P2RY6: variants seen among roughly 807,000 people sequenced by gnomAD.
P2RY6 encodes pyrimidinergic receptor P2Y6, also known as P2Y purinoceptor 6.
P2RY6 carries 19 observed loss-of-function variants against 16.3 expected under a neutral mutation model. That is an observed-to-expected ratio of 1.16 (90% CI 0.81 to 1.71). The LOEUF (loss-of-function observed/expected upper bound fraction) is 1.71. Among genes scored for constraint, P2RY6 ranks in the 40% most tolerant of loss-of-function variants. The pLI is 0.00. For synonymous variants in P2RY6, 184 were observed against 201.5 expected (o/e 0.91, Z 0.74); for missense variants, 389 against 455.5 (o/e 0.85, Z 1.33).
rs1248275308 is a variant in P2RY6, at chr11:73,296,961, G to T, written c.443G>T (p.Cys148Phe). 1 of 1,603,710 alleles carries T rather than the reference G, an allele frequency of 6.2e-7. No homozygotes were observed. The highest frequency in any genetic ancestry group is 1.7e-5 in the Admixed American group (1 of 60,028). Residue 148 changes from cysteine to phenylalanine, a missense_variant, in exon 3 of 3, where the codon TGT (cysteine) becomes TTT (phenylalanine). Cys to Phe is a radical substitution (Grantham distance 205). Transcript: ENST00000540124. ...GGCCGCCGGGCTGCCTGGCTAGTGT[G>T]TGTAGCCGTGTGGCTGGCCGTGACA... ...RGGRRAAWLV[C>F]VAVWLAVTTQ...
chr11:73,275,518 G>A (rs1863500954), intron 1 of P2RY6, among the ~76,000 whole-genome samples: 1 of 152,218 alleles, frequency 6.6e-6, no homozygotes, highest in Non-Finnish European at 1.5e-5. Flanking sequence ...TAATCTGATG[G>A]TTGAGGCAAG....
At chr11:73,270,403 C>G (rs1298896875), upstream of P2RY6, among the ~76,000 whole-genome samples, 3 of 152,176 alleles carry the variant, frequency 2.0e-5, no homozygotes, top group East Asian at 5.8e-4. Context: ...ACACCTCACA[C>G]TCCTTTACCA....
At chr11:73,277,752 T>C (rs1447593434) in intron 1 of P2RY6, among the ~76,000 whole-genome samples, 1 of 152,238 alleles carries the variant, frequency 6.6e-6, no homozygotes, top group African/African-American at 2.4e-5. Context: ...AGACATCATA[T>C]TTGTTATATT....
At chr11:73,270,924 A>G (rs1863277411), upstream of P2RY6, among the ~76,000 whole-genome samples, 1 of 151,692 alleles carries the variant, frequency 6.6e-6, no homozygotes, top group Admixed American at 6.6e-5. Context: ...TCCGCCCCTT[A>G]CCCTCCTTTA....
chr11:73,296,747 T>G lies in P2RY6; in HGVS notation c.229T>G (p.Cys77Gly). Residue 77 changes from cysteine to glycine, a missense_variant, in exon 3 of 3, where the codon TGC (cysteine) becomes GGC (glycine). Coordinates refer to ENST00000540124, the MANE Select transcript of P2RY6 (RefSeq NM_001277204.2). ...TGCTCTGGCTGACCTGCTATATGCC[T>G]GCTCCCTGCCCCTGCTCATCTACAA... is the stretch of plus-strand genomic sequence containing the variant. ...NLALADLLYA[C>G]SLPLLIYNYA... 5.6e-6 allele frequency: 9 copies of G among 1,613,496 alleles called. No homozygotes were observed. The highest frequency in any genetic ancestry group is 7.6e-6 in the Non-Finnish European group (9 of 1,180,042).
chr11:73,291,548 C>T (rs1864246587), intron 1 of P2RY6, among the ~76,000 whole-genome samples: 1 of 152,246 alleles, frequency 6.6e-6, no homozygotes, highest in Admixed American at 6.5e-5. Context: ...AGGTGCTCAA[C>T]CTGTGCACAA....
chr11:73,280,887 C>T (rs1039463113), intron 1 of P2RY6, among the ~76,000 whole-genome samples: 4 of 151,922 alleles, frequency 2.6e-5, no homozygotes, highest in South Asian at 2.1e-4. Context: ...ATAGAGAGGG[C>T]GTAGAAAGAG....
rs756712823 is a variant in P2RY6, at chr11:73,297,254, G to A, written c.736G>A (p.Ala246Thr). 1.2e-6 allele frequency: 2 copies of A among 1,605,508 alleles called. No homozygotes were observed. Among genetic ancestry groups the A allele is most frequent in the Admixed American group, 3.3e-5 (2 of 60,012 alleles). ...KAARMAVVVA[A>T]AFAISFLPFH... is the part of the protein sequence containing the mutation. Reference sequence around the variant, plus strand: ...GGCCCGCATGGCCGTGGTGGTGGCTGCTGCCTTTGCCATCAGCTTCCTGCC... The same window carrying A: ...GGCCCGCATGGCCGTGGTGGTGGCTACTGCCTTTGCCATCAGCTTCCTGCC... The change falls in exon 3 of 3, where the codon GCT becomes ACT. Residue 246 changes from alanine to threonine, a missense_variant. Physicochemically the swap from Ala to Thr is moderately conservative, Grantham distance 58. Transcript: ENST00000540124.
chr11:73,274,636 G>A (rs561606726), intron 1 of P2RY6, among the ~76,000 whole-genome samples: 15 of 152,294 alleles, frequency 9.8e-5, no homozygotes, highest in African/African-American at 2.9e-4. Context: ...GGAAGCTAAG[G>A]CTCAGAGAAA....
Position 73,297,171 on chromosome 11 carries a change from G to T in P2RY6, c.653G>T (p.Arg218Leu). 1.0e-5 allele frequency: 16 copies of T among 1,604,130 alleles called. No individual in the cohort carries two copies. Among genetic ancestry groups the T allele is most frequent in the Non-Finnish European group, 1.4e-5 (16 of 1,179,726 alleles). Residue 218 changes from arginine (R) to leucine (L), a missense_variant, in exon 3 of 3, where the codon CGC becomes CTC. By Grantham distance (102) the Arg-to-Leu change is moderately radical. Transcript: ENST00000540124. ...LLACYCLLAC[R>L]LCRQDGPAEP... Reference sequence around the variant, plus strand: ...GCCTGCTACTGTCTCCTGGCCTGCCGCCTGTGCCGCCAGGATGGCCCGGCA... The same window carrying T: ...GCCTGCTACTGTCTCCTGGCCTGCCTCCTGTGCCGCCAGGATGGCCCGGCA...
upstream of P2RY6, among the ~76,000 whole-genome samples, chr11:73,268,397 G>A (rs1387007430): frequency 2.0e-5 from 3 of 152,204 alleles, no homozygotes; most frequent in Non-Finnish European, 2.9e-5. Flanking sequence ...GCTGAGGGAG[G>A]AGGATCGATT....
At chr11:73,295,241 T>A (rs1485485618) in intron 1 of P2RY6, among the ~76,000 whole-genome samples, 1 of 152,154 alleles carries the variant, frequency 6.6e-6, no homozygotes, top group African/African-American at 2.4e-5. Context: ...CCCGAAAGAA[T>A]GAGAGGAGGG....
chr11:73,291,555 A>G (rs1252959342), intron 1 of P2RY6, among the ~76,000 whole-genome samples: 1 of 152,244 alleles, frequency 6.6e-6, no homozygotes, highest in Non-Finnish European at 1.5e-5. Context: ...CAACCTGTGC[A>G]CAACTGACCA....
At chr11:73,286,343 C>T (rs1293824648) in intron 1 of P2RY6, among the ~76,000 whole-genome samples, 1 of 152,126 alleles carries the variant, frequency 6.6e-6, no homozygotes, top group African/African-American at 2.4e-5. Context: ...CCTTCCACAC[C>T]CAAACCTTAC....
intron 1 of P2RY6, chr11:73,292,943 G>A: frequency 3.2e-6 from 3 of 949,542 alleles, no homozygotes; most frequent in Non-Finnish European, 3.8e-6. Flanking sequence ...GCATCTTGGG[G>A]CCATGGGCCA....
intron 1 of P2RY6, chr11:73,265,192 T>C (rs1176788191): frequency 6.6e-6 from 1 of 152,542 alleles, no homozygotes; most frequent in African/African-American, 2.4e-5. Context: ...ACTGACAGAA[T>C]GTTTTCCGTG....
At chr11:73,282,869 C>A (rs1258461822) in intron 1 of P2RY6, among the ~76,000 whole-genome samples, 1 of 152,196 alleles carries the variant, frequency 6.6e-6, no homozygotes, top group South Asian at 2.1e-4. Context: ...AGAAGCCCCA[C>A]TGAGCAAATA....
At chr11:73,268,487 G>A (rs963525858), upstream of P2RY6, among the ~76,000 whole-genome samples, 26 of 152,288 alleles carry the variant, frequency 1.7e-4, no homozygotes, top group Middle Eastern at 3.4e-3. Flanking sequence ...TTAGCCAGGC[G>A]TAGTAGCTTA....
At chr11:73,266,303 G>A (rs1407241994) in intron 1 of P2RY6, among the ~76,000 whole-genome samples, 2 of 152,190 alleles carry the variant, frequency 1.3e-5, no homozygotes, top group Non-Finnish European at 2.9e-5. Flanking sequence ...GGTTGGGGGA[G>A]AAATGCAGGG....
Sources: gnomAD v4.1 joint callset for allele counts (sites outside exome capture counted in the v4.1 genomes callset) on GRCh38, gnomAD v4.1.1 for gene constraint, MANE v1.5 for transcripts, NCBI Gene and HGNC (gene_info 2026-07-23, HGNC 2026-07-21) for gene names.